The following UBE2E2 variants were observed in gnomAD, a reference collection of about 807,000 sequenced individuals.
The protein encoded by UBE2E2 is ubiquitin-conjugating enzyme E2 E2.
In UBE2E2, 6 loss-of-function variants were observed where a neutral mutation model predicts 24.7. That is an observed-to-expected ratio of 0.24 (90% CI 0.13 to 0.48). The LOEUF (loss-of-function observed/expected upper bound fraction) is 0.48, where lower values mean the gene tolerates loss of function less well. Among genes scored for constraint, UBE2E2 ranks in the 20% least tolerant of loss-of-function variants. The pLI, the probability that UBE2E2 is intolerant of heterozygous loss-of-function variation, is 0.99. For missense variants in UBE2E2, 169 were observed against 245.0 expected (o/e 0.69, Z 2.07); for synonymous variants, 104 against 83.6 (o/e 1.24, Z -1.33).
intron 3 of UBE2E2, among the ~76,000 whole-genome samples, chr3:23,357,277 T>C (rs764958249): frequency 1.9e-4 from 29 of 152,240 alleles, no homozygotes; most frequent in Non-Finnish European, 3.7e-4. Flanking sequence ...CAAGAAATTA[T>C]AATGGTGTTT....
intron 5 of UBE2E2, among the ~76,000 whole-genome samples, chr3:23,566,955 T>C (rs1446284941): frequency 9.8e-5 from 15 of 152,338 alleles, no homozygotes; most frequent in Middle Eastern, 3.4e-3. Flanking sequence ...CTTACCACTA[T>C]GGCAGTATCA....
chr3:23,369,929 T>A (rs1383787172), intron 3 of UBE2E2, among the ~76,000 whole-genome samples: 1 of 152,182 alleles, frequency 6.6e-6, no homozygotes, highest in Non-Finnish European at 1.5e-5. Flanking sequence ...TTTGTATAAT[T>A]TTTTAAAAGT....
chr3:23,479,497 C>G (rs182657132), intron 3 of UBE2E2, among the ~76,000 whole-genome samples: 2 of 152,280 alleles, frequency 1.3e-5, no homozygotes, highest in East Asian at 3.9e-4. Context: ...AGGGCCGTAG[C>G]TCTTCTCTCT....
intron 3 of UBE2E2, among the ~76,000 whole-genome samples, chr3:23,428,672 A>C (rs1171620821): frequency 6.6e-6 from 1 of 152,116 alleles, no homozygotes; most frequent in Non-Finnish European, 1.5e-5. Context: ...ACACGTTACT[A>C]ACATCAGAAA....
chr3:23,367,970 GAGAGC>G (rs1178630576), intron 3 of UBE2E2, among the ~76,000 whole-genome samples: 1 of 152,178 alleles, frequency 6.6e-6, no homozygotes, highest in East Asian at 1.9e-4. Context: ...GTTGTGGTGT[GAGAGC>G]AGAGGAACTG....
chr3:23,277,287 C>A (rs907696780), intron 3 of UBE2E2, among the ~76,000 whole-genome samples: 3 of 152,170 alleles, frequency 2.0e-5, no homozygotes, highest in African/African-American at 7.2e-5. Context: ...CAGTGGCTTT[C>A]TTAAATCCAT....
Position 23,535,618 on chromosome 3 carries a change from C to CTTTTTTT in UBE2E2, c.508+2934_508+2940dup, listed in dbSNP as rs67901258. ...TGTTTATTGAGCCTGATAGAGCATT[C>CTTTTTTT]TTTTTTTTTTTTTTTTTTTTTTTGA... On this transcript the variant is annotated intron_variant, in intron 5 of 5. Coordinates refer to ENST00000396703, the MANE Select transcript of UBE2E2 (RefSeq NM_152653.4). Among the ~76,000 whole-genome samples, 57 of 86,004 alleles carry CTTTTTTT rather than the reference C, an allele frequency of 6.6e-4. 1 individual carries two copies. Among genetic ancestry groups the CTTTTTTT allele is most frequent in the South Asian group, 9.5e-4 (2 of 2,108 alleles). The allele number at this position is 86,004 out of a possible 152,430, so 56.4% of individuals were successfully genotyped here. A position where few individuals can be genotyped will look rare whatever the true frequency, so the allele number is the denominator to read the frequency against.
At chr3:23,302,791 T>G (rs974132305) in intron 3 of UBE2E2, among the ~76,000 whole-genome samples, 1 of 152,192 alleles carries the variant, frequency 6.6e-6, no homozygotes, top group Non-Finnish European at 1.5e-5. Context: ...GTGGTTGTAT[T>G]TTAATATAAT....
chr3:23,423,088 T>C (rs1697842835), intron 3 of UBE2E2, among the ~76,000 whole-genome samples: 1 of 152,232 alleles, frequency 6.6e-6, no homozygotes, highest in Admixed American at 6.5e-5. Context: ...GTCCTTTGCA[T>C]GTTAGGTTCA....
chr3:23,235,449 A>G (rs1575491933), intron 3 of UBE2E2, among the ~76,000 whole-genome samples: 1 of 151,538 alleles, frequency 6.6e-6, no homozygotes, highest in African/African-American at 2.4e-5. Flanking sequence ...ATTGAGGGGG[A>G]GTGGGGAGTG....
chr3:23,360,093 C>G (rs889354760), intron 3 of UBE2E2, among the ~76,000 whole-genome samples: 1 of 152,044 alleles, frequency 6.6e-6, no homozygotes, highest in African/African-American at 2.4e-5. Context: ...AATAGTATCC[C>G]CAAATGGAAA....
Position 23,546,948 on chromosome 3 carries a change from CT to C in UBE2E2, c.508+14253del, listed in dbSNP as rs564066859. On this transcript the variant is annotated intron_variant, in intron 5 of 5. Transcript: ENST00000396703. ...TTAGTATATATGCCAGTTATACATGCTTTTTTCCCATAGTTTTATCCGTGCT... is the reference window on the plus strand; with the variant it reads ...TTAGTATATATGCCAGTTATACATGCTTTTTCCCATAGTTTTATCCGTGCT... Among the ~76,000 whole-genome samples the C allele has an allele frequency of 1.3e-3, 205 of 152,038 alleles. 2 individuals are homozygous for C. Among genetic ancestry groups the C allele is most frequent in the Middle Eastern group, 3.2e-3 (1 of 316 alleles).
At chr3:23,499,897 A>G (rs1190535119) in intron 4 of UBE2E2, among the ~76,000 whole-genome samples, 157 bp downstream of exon 4, 1 of 152,196 alleles carries the variant, frequency 6.6e-6, no homozygotes, top group Non-Finnish European at 1.5e-5. Flanking sequence ...AATGTAAAAA[A>G]TTGTAGGTTA....
At position 23,588,609 on chromosome 3, in the gene UBE2E2, A is replaced by G. The variant is rs138046107; in HGVS notation, c.509-1125A>G. Among the ~76,000 whole-genome samples the G allele has an allele frequency of 3.7e-3, 560 of 151,820 alleles. 2 individuals are homozygous for G. The highest frequency in any genetic ancestry group is 4.4e-3 in the Non-Finnish European group (300 of 67,900). ...TTTTAATTAAACGTTGACCCAATCA[A>G]TATTCTGGATAGAGAGCTATCTCCC... On this transcript the variant is annotated intron_variant, in intron 5 of 5. Transcript: ENST00000396703.
intron 3 of UBE2E2, among the ~76,000 whole-genome samples, chr3:23,233,996 A>G (rs1168323152): frequency 6.6e-6 from 1 of 152,098 alleles, no homozygotes; most frequent in Non-Finnish European, 1.5e-5. Context: ...ATCAAATGTC[A>G]ATTATCCTAA....
chr3:23,216,546 A>G (rs1377259796), intron 2 of UBE2E2, among the ~76,000 whole-genome samples: 3 of 152,138 alleles, frequency 2.0e-5, no homozygotes, highest in Non-Finnish European at 2.9e-5. Flanking sequence ...GGTATGAATG[A>G]TAGTTAAGGG....
At chr3:23,488,203 T>TC (rs1699419432) in intron 3 of UBE2E2, among the ~76,000 whole-genome samples, 2 of 150,104 alleles carry the variant, frequency 1.3e-5, no homozygotes, top group South Asian at 4.2e-4. Flanking sequence ...TACATTTCTT[T>TC]TTTTTTTTTT....
intron 3 of UBE2E2, among the ~76,000 whole-genome samples, chr3:23,327,649 C>T (rs557690693): frequency 2.0e-4 from 30 of 152,290 alleles, no homozygotes; most frequent in African/African-American, 7.2e-4. Context: ...TCTGGAATTG[C>T]TTTTTCTAAT....
rs148099736 is a variant in UBE2E2, at chr3:23,473,090, A to G, written c.228-26518A>G. Among the ~76,000 whole-genome samples, 5 of 152,192 alleles carry G rather than the reference A, an allele frequency of 3.3e-5. No homozygotes were observed. In the East Asian group the frequency reaches 9.6e-4, roughly 29 times the overall value. On this transcript the variant is annotated intron_variant, in intron 3 of 5. Coordinates refer to ENST00000396703, the MANE Select transcript of UBE2E2 (RefSeq NM_152653.4). ...TCCATATGCTTCACTAGACTACCAG[A>G]TGGGTCCATGGCACCTGATTTAAAT...
Sources: allele counts gnomAD v4.1 joint callset (sites outside exome capture counted in the v4.1 genomes callset), GRCh38; gene constraint gnomAD v4.1.1; transcripts MANE v1.5; gene names NCBI Gene and HGNC (gene_info 2026-07-23, HGNC 2026-07-21).